The following LDLRAD3 variants were observed in gnomAD, a reference collection of about 807,000 sequenced individuals.
LDLRAD3 encodes low-density lipoprotein receptor class A domain-containing protein 3.
LDLRAD3 carries 20 observed loss-of-function variants against 29.4 expected under a neutral mutation model. The observed-to-expected ratio is 0.68, with a 90% confidence interval of 0.48 to 0.99. The LOEUF (loss-of-function observed/expected upper bound fraction) is 0.99, where lower values mean the gene tolerates loss of function less well. Among genes scored for constraint, LDLRAD3 ranks in the 50% least tolerant of loss-of-function variants. LDLRAD3 has a pLI of 0.00. For missense variants in LDLRAD3, 420 were observed against 454.3 expected, an observed-to-expected ratio of 0.92 and a Z score of 0.69; for synonymous variants, 157 against 192.7, an observed-to-expected ratio of 0.81 and a Z score of 1.53.
chr11:36,078,480 G>A (rs918532286), intron 2 of LDLRAD3, among the ~76,000 whole-genome samples: 4 of 152,198 alleles, frequency 2.6e-5, no homozygotes, highest in African/African-American at 9.7e-5. Flanking sequence ...GCACACATCC[G>A]GCTGGGTTGC....
At chr11:36,084,344 G>A (rs1300834646) in intron 3 of LDLRAD3, among the ~76,000 whole-genome samples, 3 of 152,148 alleles carry the variant, frequency 2.0e-5, no homozygotes, top group East Asian at 1.9e-4. Context: ...GAAGCCGGGC[G>A]AGGTGGGGCA....
At chr11:35,975,111 A>G (rs775745271) in intron 1 of LDLRAD3, among the ~76,000 whole-genome samples, 7 of 152,116 alleles carry the variant, frequency 4.6e-5, no homozygotes. Flanking sequence ...CTTGATACAT[A>G]TGCTGCCTGC....
At chr11:35,945,624 T>G (rs1240448239) in intron 1 of LDLRAD3, among the ~76,000 whole-genome samples, 19 of 151,852 alleles carry the variant, frequency 1.3e-4, no homozygotes, top group Non-Finnish European at 4.4e-5. Flanking sequence ...TCTACAGATA[T>G]GAAGACCTGT....
intron 2 of LDLRAD3, among the ~76,000 whole-genome samples, chr11:36,070,856 C>T (rs1232632182): frequency 1.3e-5 from 2 of 152,092 alleles, no homozygotes; most frequent in Non-Finnish European, 2.9e-5. Flanking sequence ...GTCCTAAGAG[C>T]GAGAGCCTGC....
intron 3 of LDLRAD3, among the ~76,000 whole-genome samples, chr11:36,089,611 A>G (rs1276634361): frequency 6.6e-6 from 1 of 151,764 alleles, no homozygotes; most frequent in Non-Finnish European, 1.5e-5. Flanking sequence ...CCCAATACAT[A>G]TGTTTTAGAG....
intron 1 of LDLRAD3, among the ~76,000 whole-genome samples, chr11:35,969,308 A>AT (rs1401184370): frequency 6.6e-6 from 1 of 152,036 alleles, no homozygotes; most frequent in Admixed American, 6.5e-5. Flanking sequence ...ATTTTCAGCC[A>AT]TTTTCCTCTT....
At chr11:36,092,509 T>C (rs889653498) in intron 3 of LDLRAD3, among the ~76,000 whole-genome samples, 2 of 152,198 alleles carry the variant, frequency 1.3e-5, no homozygotes, top group African/African-American at 4.8e-5. Flanking sequence ...TTCATCTCTT[T>C]ATCTTCCTCC....
intron 4 of LDLRAD3, among the ~76,000 whole-genome samples, chr11:36,134,312 T>A (rs1853973275): frequency 6.6e-6 from 1 of 152,222 alleles, no homozygotes; most frequent in Non-Finnish European, 1.5e-5. Flanking sequence ...ATATGCAGTG[T>A]CTGTTGTCAT....
intron 4 of LDLRAD3, among the ~76,000 whole-genome samples, chr11:36,201,827 G>A (rs1855130887): frequency 6.6e-6 from 1 of 152,158 alleles, no homozygotes; most frequent in South Asian, 2.1e-4. Context: ...AGGCAGTCGC[G>A]GATGTGGTTT....
At chr11:35,984,513 T>C (rs933692200) in intron 1 of LDLRAD3, among the ~76,000 whole-genome samples, 1 of 152,248 alleles carries the variant, frequency 6.6e-6, no homozygotes, top group African/African-American at 2.4e-5. Context: ...AGGTCATCTG[T>C]ACCGCTTTGG....
chr11:36,039,220 C>T (rs1393596125), intron 2 of LDLRAD3, among the ~76,000 whole-genome samples: 3 of 152,102 alleles, frequency 2.0e-5, no homozygotes, highest in Admixed American at 6.5e-5. Context: ...CCGCCCGCCT[C>T]GGCCTCCCAA....
At chr11:36,053,849 G>T (rs1852565747) in intron 2 of LDLRAD3, among the ~76,000 whole-genome samples, 1 of 152,146 alleles carries the variant, frequency 6.6e-6, no homozygotes, top group African/African-American at 2.4e-5. Context: ...GCACCTCCAA[G>T]AAGTTGTCAT....
At chr11:35,968,387 C>T (rs896175076) in intron 1 of LDLRAD3, 2 of 360,534 alleles carry the variant, frequency 5.5e-6, no homozygotes, top group Non-Finnish European at 1.1e-5. Flanking sequence ...GGGGCTGGCA[C>T]CATGTGGCTG....
intron 5 of LDLRAD3, 23 bp from the exon 6 acceptor site, chr11:36,229,137 C>T (rs1855538407): frequency 6.6e-7 from 1 of 1,519,630 alleles, no homozygotes; most frequent in African/African-American, 1.4e-5. Flanking sequence ...ATTGCCCCTG[C>T]CCCCCTGCTG....
intron 2 of LDLRAD3, among the ~76,000 whole-genome samples, chr11:36,074,096 G>A (rs190036983): frequency 1.8e-4 from 28 of 152,146 alleles, no homozygotes; most frequent in African/African-American, 6.7e-4. Context: ...CATGTTCTCC[G>A]GCCTCACTCT....
At chr11:36,110,095 G>A (rs1445697474) in intron 4 of LDLRAD3, 1 of 152,224 alleles carries the variant, frequency 6.6e-6, no homozygotes, top group Non-Finnish European at 1.5e-5. Flanking sequence ...TTGTGTACAG[G>A]TGGGGTTTTC....
intron 4 of LDLRAD3, among the ~76,000 whole-genome samples, chr11:36,162,179 TGGGG>T (rs1854450165): frequency 6.6e-6 from 1 of 152,108 alleles, no homozygotes; most frequent in Non-Finnish European, 1.5e-5. Flanking sequence ...TAAGCCACGG[TGGGG>T]GCAGGGTGCT....
rs531346873 is a variant in LDLRAD3 at position 36,184,042 on chromosome 11, C to T, written c.455-43043C>T. 415 of 297,402 alleles carry T rather than the reference C, an allele frequency of 1.4e-3. 1 individual carries two copies. Among genetic ancestry groups the T allele is most frequent in the African/African-American group, 9.3e-3 (395 of 42,394 alleles). The allele number at this position is 297,402 out of a possible 1,614,324, so 18.4% of individuals were successfully genotyped here. A position where few individuals can be genotyped will look rare whatever the true frequency, so the allele number is the denominator to read the frequency against. On this transcript the variant is annotated intron_variant, in intron 4 of 5. Coordinates refer to ENST00000315571, the MANE Select transcript of LDLRAD3 (RefSeq NM_174902.4). ...AATGCAGTGGCACATCTCGGCTCAC[C>T]GCAACCTCCACCTTCCGGGTTCAAG...
At chr11:36,161,680 T>C (rs1052258284) in intron 4 of LDLRAD3, among the ~76,000 whole-genome samples, 8 of 152,186 alleles carry the variant, frequency 5.3e-5, no homozygotes, top group Non-Finnish European at 1.0e-4. Context: ...GTAAGATACA[T>C]TGGTAGACAT....
Sources: allele counts gnomAD v4.1 joint callset (sites outside exome capture counted in the v4.1 genomes callset), GRCh38; gene constraint gnomAD v4.1.1; transcripts MANE v1.5; gene names NCBI Gene and HGNC (gene_info 2026-07-23, HGNC 2026-07-21).